CLN8: variants seen among roughly 807,000 people sequenced by gnomAD.
CLN8 encodes the protein CLN8 transmembrane ER and ERGIC protein.
CLN8 carries 14 observed loss-of-function variants against 15.7 expected under a neutral mutation model. The ratio of observed to expected loss-of-function variants is 0.89; its 90% CI spans 0.59 to 1.39. The LOEUF (loss-of-function observed/expected upper bound fraction) is 1.39. CLN8 is among the 40% of genes most tolerant of loss of function. CLN8 has a pLI of 0.00. For synonymous variants in CLN8, 188 were observed against 151.0 expected (o/e 1.25, Z -1.80); for missense variants, 415 against 364.0 (o/e 1.14, Z -1.14).
At chr8:1,776,635 G>C (rs1585146317) in intron 2 of CLN8, among the ~76,000 whole-genome samples, 2 of 152,218 alleles carry the variant, frequency 1.3e-5, no homozygotes, top group East Asian at 3.9e-4. Flanking sequence ...CTTTCCTTTG[G>C]TTTTTGTCAG....
chr8:1,765,929 C>G (rs1305682263), intron 1 of CLN8, among the ~76,000 whole-genome samples: 1 of 151,982 alleles, frequency 6.6e-6, no homozygotes, highest in South Asian at 2.1e-4. Flanking sequence ...CCTTTTTTTT[C>G]CCTTTTGACG....
intron 2 of CLN8, among the ~76,000 whole-genome samples, chr8:1,778,994 A>G (rs1020091750): frequency 2.0e-5 from 3 of 152,194 alleles, no homozygotes; most frequent in African/African-American, 7.2e-5. Flanking sequence ...GAGCAAAATC[A>G]TATAGCACAA....
rs1801712211 is a variant in CLN8 at position 1,781,476 on chromosome 8, G to A, written c.*909G>A. The A allele has an allele frequency of 6.6e-6, 1 of 151,904 alleles. No individual in the cohort carries two copies. The highest frequency in any genetic ancestry group is 6.6e-5 in the Admixed American group (1 of 15,244). 9.4% of individuals were successfully genotyped at this position (151,904 alleles called of 1,614,324 possible). The stretch of plus-strand genomic sequence containing the variant: ...TAGTGACTCCTGTAGCAGCAGAGAC[G>A]CCTTGGAGTTTAACCCCCACCAACC... On this transcript the variant is annotated 3_prime_UTR_variant, in exon 3 of 3. Coordinates refer to ENST00000331222, the MANE Select transcript of CLN8 (RefSeq NM_018941.4).
intron 1 of CLN8, among the ~76,000 whole-genome samples, chr8:1,757,181 C>T (rs560359227): frequency 6.6e-6 from 1 of 152,296 alleles, no homozygotes; most frequent in South Asian, 2.1e-4. Flanking sequence ...ATTTTTCAAG[C>T]TCACCACCAT....
chr8:1,778,673 A>C (rs965966067), intron 2 of CLN8, among the ~76,000 whole-genome samples: 29 of 152,232 alleles, frequency 1.9e-4, no homozygotes, highest in African/African-American at 7.0e-4. Context: ...GTGTGTGTGC[A>C]TGAGGGTGCC....
rs1389292562 is a variant in CLN8, at chr8:1,781,377, A to AG, written c.*810_*811insG. On this transcript the variant is annotated 3_prime_UTR_variant, in exon 3 of 3. Transcript: ENST00000331222. ...CAAGACTCTCTCTCAAAAAAAAAAA[A>AG]AAAAAAAAATTCTAGACCGAAGTGT... is the stretch of plus-strand genomic sequence containing the variant. 6 of 149,226 alleles carry AG rather than the reference A, an allele frequency of 4.0e-5. No homozygotes were observed. The East Asian group carries it at 1.2e-3, about 30-fold the overall frequency. The allele number at this position is 149,226 out of a possible 1,614,324, so 9.2% of individuals were successfully genotyped here.
intron 2 of CLN8, chr8:1,773,055 C>T (rs1286032434): frequency 2.5e-6 from 1 of 397,602 alleles, no homozygotes; most frequent in Non-Finnish European, 4.4e-6. Flanking sequence ...CATGCATAAC[C>T]ACCATGGACA....
intron 1 of CLN8, among the ~76,000 whole-genome samples, chr8:1,756,789 TCTC>T (rs2130945101): frequency 6.6e-6 from 1 of 151,536 alleles, no homozygotes; most frequent in East Asian, 2.0e-4. Flanking sequence ...TTCAAGCAAT[TCTC>T]CTGCCTCAGC....
Position 1,783,646 on chromosome 8 carries a change from C to G in CLN8, c.*3079C>G, listed in dbSNP as rs951722728. Reference sequence around the variant, plus strand: ...CTGGGCCGCACAGGCTTCTGCCCTTCTCGGTGTCCAGGCTCCTTGGGTGAT... The same window carrying G: ...CTGGGCCGCACAGGCTTCTGCCCTTGTCGGTGTCCAGGCTCCTTGGGTGAT... On this transcript the variant is annotated 3_prime_UTR_variant, in exon 3 of 3. Coordinates refer to ENST00000331222, the MANE Select transcript of CLN8 (RefSeq NM_018941.4). 4 of 152,270 alleles carry G rather than the reference C, an allele frequency of 2.6e-5. No homozygotes were observed. The highest frequency in any genetic ancestry group is 9.7e-5 in the African/African-American group (4 of 41,436). 9.4% of individuals were successfully genotyped at this position (152,270 alleles called of 1,614,324 possible).
chr8:1,770,968 G>A lies in CLN8; in HGVS notation c.-87G>A, dbSNP rs1801273413. 8.1e-7 allele frequency: 1 copy of A among 1,238,906 alleles called. No individual in the cohort carries two copies. Among genetic ancestry groups the A allele is most frequent in the Admixed American group, 1.7e-5 (1 of 58,738 alleles). The allele number at this position is 1,238,906 out of a possible 1,614,324, so 76.7% of individuals were successfully genotyped here. Reference sequence around the variant, plus strand: ...ATACGTGACAATCCCAGGGACCGCTGCACTGACTTCATTTCCTTAGACAAG... The same window carrying A: ...ATACGTGACAATCCCAGGGACCGCTACACTGACTTCATTTCCTTAGACAAG... On this transcript the variant is annotated 5_prime_UTR_variant, in exon 2 of 3. Coordinates refer to ENST00000331222, the MANE Select transcript of CLN8 (RefSeq NM_018941.4).
chr8:1,756,101 G>C (rs1800663275), intron 1 of CLN8: 1 of 152,172 alleles, frequency 6.6e-6, no homozygotes, highest in Non-Finnish European at 1.5e-5. Flanking sequence ...TCATTGTTTG[G>C]TGTTTAACAA....
chr8:1,772,602 C>T (rs1186441828), intron 2 of CLN8, among the ~76,000 whole-genome samples: 5 of 151,944 alleles, frequency 3.3e-5, no homozygotes, highest in Admixed American at 2.0e-4. Flanking sequence ...GGGATTACAG[C>T]GCCCACCACC....
At chr8:1,771,776 A>AGACGGATTCTGG (rs1801317925) in intron 2 of CLN8, among the ~76,000 whole-genome samples, 179 bp downstream of exon 2, 2 of 152,052 alleles carry the variant, frequency 1.3e-5, no homozygotes, top group Non-Finnish European at 2.9e-5. Context: ...ATTTATTTTG[A>AGACGGATTCTGG]GACGGATTCT....
chr8:1,755,435 G>C (rs751156549), upstream of CLN8, among the ~76,000 whole-genome samples: 1 of 152,092 alleles, frequency 6.6e-6, no homozygotes, highest in East Asian at 1.9e-4. Context: ...GCCCCACACA[G>C]ACCCCTCCCC....
In CLN8 at chr8:1,783,266, G is replaced by A. The variant is rs1030013491; in HGVS notation, c.*2699G>A. The A allele has an allele frequency of 9.8e-5, 15 of 152,418 alleles. No homozygotes were observed. The highest frequency in any genetic ancestry group is 2.9e-4 in the African/African-American group (12 of 41,594). The allele number at this position is 152,418 out of a possible 1,614,324, so 9.4% of individuals were successfully genotyped here. On this transcript the variant is annotated 3_prime_UTR_variant, in exon 3 of 3. Coordinates refer to ENST00000331222, the MANE Select transcript of CLN8 (RefSeq NM_018941.4). ...TTGGCCAGCATTCAGCTGCACGTGT[G>A]TGCTGCGTGCTTCACATCCTCTATT... is the stretch of plus-strand genomic sequence containing the variant.
chr8:1,754,948 C>T (rs1184876390), upstream of CLN8, among the ~76,000 whole-genome samples: 1 of 152,184 alleles, frequency 6.6e-6, no homozygotes, highest in Non-Finnish European at 1.5e-5. Context: ...AGGAGCCTTG[C>T]TGCAAAGCTC....
At chr8:1,771,901 A>G (rs1023926217) in intron 2 of CLN8, among the ~76,000 whole-genome samples, 15 of 150,888 alleles carry the variant, frequency 9.9e-5, no homozygotes, top group Middle Eastern at 3.4e-3. Context: ...GTCTGGAAGC[A>G]CTTAATTTTT....
intron 1 of CLN8, among the ~76,000 whole-genome samples, chr8:1,757,714 G>T (rs573900230): frequency 7.9e-5 from 12 of 152,280 alleles, no homozygotes; most frequent in African/African-American, 2.6e-4. Flanking sequence ...TTATAGGCAC[G>T]AGCCACCATG....
upstream of CLN8, chr8:1,759,651 C>G (rs1372137448): frequency 6.6e-6 from 1 of 152,228 alleles, no homozygotes; most frequent in African/African-American, 2.4e-5. Context: ...CAGGTAGAGT[C>G]TTTGCCACAT....
Sources: allele counts gnomAD v4.1 joint callset (sites outside exome capture counted in the v4.1 genomes callset), GRCh38; gene constraint gnomAD v4.1.1; transcripts MANE v1.5; gene names NCBI Gene and HGNC (gene_info 2026-07-23, HGNC 2026-07-21).